Variants in LRRC66 observed in about 807,000 individuals in gnomAD.
LRRC66 encodes leucine-rich repeat-containing protein 66.
In LRRC66, 29 loss-of-function variants were observed where a neutral mutation model predicts 24.6. That is an observed-to-expected ratio of 1.18 (90% CI 0.88 to 1.61). The LOEUF is 1.61. LRRC66 is among the 40% of genes most tolerant of loss of function. LRRC66 has a pLI of 0.00. For missense variants in LRRC66, 1,124 were observed against 1,058.0 expected (o/e 1.06, Z -0.87); for synonymous variants, 411 against 397.6 (o/e 1.03, Z -0.40).
rs537574975 is a variant in LRRC66 at position 51,995,852 on chromosome 4, G to A, written c.1170C>T (p.Ala390=). The change falls in exon 5 of 5, where the codon GCC becomes GCT. Residue 390 remains alanine (A), a synonymous_variant. Transcript: ENST00000682860. ...CLSVFITFLV[A]FSLGAFTRPY... ...GCCTTGTGAAAGCCCCCAGGCTGAA[G>A]GCGACAAGGAATGTGATGAACACTG... The A allele has an allele frequency of 6.2e-7, 1 of 1,614,170 alleles. No homozygotes were observed. Among genetic ancestry groups the A allele is most frequent in the African/African-American group, 1.3e-5 (1 of 75,038 alleles).
chr4:52,011,563 A>C (rs1736703543), intron 2 of LRRC66, among the ~76,000 whole-genome samples: 2 of 152,190 alleles, frequency 1.3e-5, no homozygotes, highest in African/African-American at 4.8e-5. Flanking sequence ...TTAATTATCT[A>C]TTGTGCCTGA....
intron 2 of LRRC66, among the ~76,000 whole-genome samples, chr4:52,015,455 G>C (rs1163638312): frequency 6.6e-6 from 1 of 152,088 alleles, no homozygotes; most frequent in Non-Finnish European, 1.5e-5. Context: ...TCGATGCCTT[G>C]TTAGAGTATA....
chr4:51,997,818 C>G lies in LRRC66; in HGVS notation c.786G>C (p.Val262=). Residue 262 remains valine, a synonymous_variant, in exon 4 of 5, where the codon GTG becomes GTC. Coordinates refer to ENST00000682860, the MANE Select transcript of LRRC66 (RefSeq NM_001024611.3). ...CAGAAATAAAATTTTGAAAGACTGC[C>G]ACACTATCATCACACTGCCAGTTAT... The part of the protein sequence containing the change: ...ADNNWQCDDS[V]AVFQNFISES... 6.2e-7 allele frequency: 1 copy of G among 1,614,026 alleles called. No homozygotes were observed. Among genetic ancestry groups the G allele is most frequent in the Non-Finnish European group, 8.5e-7 (1 of 1,179,988 alleles).
Position 51,995,177 on chromosome 4 carries a change from G to A in LRRC66, c.1845C>T (p.Asp615=). The A allele has an allele frequency of 6.2e-7, 1 of 1,614,226 alleles. No individual in the cohort carries two copies. Among genetic ancestry groups the A allele is most frequent in the Non-Finnish European group, 8.5e-7 (1 of 1,180,044 alleles). Residue 615 remains aspartate (D), a synonymous_variant, in exon 5 of 5, where the codon GAC becomes GAT. Coordinates refer to ENST00000682860, the MANE Select transcript of LRRC66 (RefSeq NM_001024611.3). ...TTTCCTTAGAAAATTCCATCTGCGA[G>A]TCCCAAAGTGACTGTTCAGTGCCCC... ...ERGGTEQSLW[D]SQMEFSKERQ... is the part of the protein sequence containing the mutation.
chr4:52,010,699 T>C (rs1736681303), intron 2 of LRRC66, among the ~76,000 whole-genome samples: 1 of 152,216 alleles, frequency 6.6e-6, no homozygotes, highest in Non-Finnish European at 1.5e-5. Flanking sequence ...CTCTATCCAA[T>C]CCACTGTTGA....
At chr4:51,998,275 T>C (rs1313189382) in intron 3 of LRRC66, among the ~76,000 whole-genome samples, 1 of 152,238 alleles carries the variant, frequency 6.6e-6, no homozygotes, top group East Asian at 1.9e-4. Flanking sequence ...AAATAAAACC[T>C]AGATACTCAT....
chr4:52,007,767 C>A (rs1270763220), intron 2 of LRRC66, among the ~76,000 whole-genome samples: 1 of 152,128 alleles, frequency 6.6e-6, no homozygotes, highest in Non-Finnish European at 1.5e-5. Flanking sequence ...GTGTTGTGAG[C>A]AAAGATCTGA....
chr4:52,004,976 G>T (rs548566310), intron 2 of LRRC66, among the ~76,000 whole-genome samples: 1 of 152,210 alleles, frequency 6.6e-6, no homozygotes, highest in Non-Finnish European at 1.5e-5. Context: ...ATACAGAGTA[G>T]TTCATCACAT....
Position 51,995,773 on chromosome 4 carries a change from C to G in LRRC66, c.1249G>C (p.Asp417His), listed in dbSNP as rs759056856. 13 of 1,614,022 alleles carry G rather than the reference C, an allele frequency of 8.1e-6. No homozygotes were observed. In the Admixed American group the frequency reaches 1.2e-4, roughly 14 times the overall value. The stretch of plus-strand genomic sequence containing the variant: ...AAGCCCTCGTTTGAATACGCGTTGT[C>G]CAGGCCAGGGCTTTTGCTCTGGCAC... ...KKCQSKSPGL[D>H]NAYSNEGFYD... Residue 417 changes from aspartate to histidine, a missense_variant, in exon 5 of 5, where the codon GAC becomes CAC. Transcript: ENST00000682860.
chr4:51,996,054 C>G lies in LRRC66; in HGVS notation c.968G>C (p.Arg323Thr), dbSNP rs755922054. 3.7e-6 allele frequency: 6 copies of G among 1,614,082 alleles called. No individual in the cohort carries two copies. The South Asian group carries it at 4.4e-5, about 12-fold the overall frequency. Residue 323 changes from arginine to threonine, a missense_variant, in exon 5 of 5, where the codon AGG (arginine) becomes ACG (threonine). Arg to Thr is a moderately conservative substitution (Grantham distance 71). Coordinates refer to ENST00000682860, the MANE Select transcript of LRRC66 (RefSeq NM_001024611.3). ...GCCCGTGTGCCTTCCTCCCTGGGGC[C>G]TCTCTGCTTTGCTCCTTATGAGGCT... ...MKSLIRSKAE[R>T]PQGGRHTGIS...
intron 2 of LRRC66, 122 bp downstream of exon 2, chr4:52,016,996 C>T: frequency 9.4e-7 from 1 of 1,064,024 alleles, no homozygotes; most frequent in Non-Finnish European, 1.4e-6. Flanking sequence ...ATTATATGTG[C>T]TCTGATCAAA....
rs1736286873 is a variant in LRRC66 at position 51,995,640 on chromosome 4, GTCACCCA to G, written c.1375_1381del (p.Trp459HisfsTer9). 2 of 1,614,110 alleles carry G rather than the reference GTCACCCA, an allele frequency of 1.2e-6. No homozygotes were observed. Among genetic ancestry groups the G allele is most frequent in the South Asian group, 2.2e-5 (2 of 91,058 alleles). On this transcript the variant is annotated frameshift_variant, in exon 5 of 5. Coordinates refer to ENST00000682860, the MANE Select transcript of LRRC66 (RefSeq NM_001024611.3). LOFTEE classifies it low-confidence loss of function (END_TRUNC). Reference sequence around the variant, plus strand: ...TACGGTGGCGTGTGGGTGTGGCTGTGTCACCCAGAAAGGGGTCTGGTTCTCGTAGAGG... The same window carrying G: ...TACGGTGGCGTGTGGGTGTGGCTGTGGAAAGGGGTCTGGTTCTCGTAGAGG...
At chr4:51,996,516 T>C (rs1470686580) in intron 4 of LRRC66, among the ~76,000 whole-genome samples, 1 of 152,122 alleles carries the variant, frequency 6.6e-6, no homozygotes, top group Admixed American at 6.5e-5. Context: ...CTCAGCCTCC[T>C]GAACAGCTGG....
intron 2 of LRRC66, among the ~76,000 whole-genome samples, chr4:52,012,697 T>A (rs527498234): frequency 1.5e-4 from 23 of 152,272 alleles, no homozygotes; most frequent in African/African-American, 5.1e-4. Flanking sequence ...GAGAGTTGAA[T>A]GCTGGGAGGA....
chr4:52,008,939 G>A lies in LRRC66; in HGVS notation c.497-5547C>T, dbSNP rs73246097. Among the ~76,000 whole-genome samples the A allele has an allele frequency of 7.1e-3, 1,083 of 152,134 alleles. 11 individuals carry two copies. The highest frequency in any genetic ancestry group is 0.012 in the Non-Finnish European group (839 of 67,962). ...AAACATATTGTGGAAATTATATATA[G>A]GGGTAAAATGTAGGACAATACCTGC... On this transcript the variant is annotated intron_variant, in intron 2 of 4. Transcript: ENST00000682860.
In LRRC66 at chr4:51,995,901, T is replaced by C. The variant is rs529931426; in HGVS notation, c.1121A>G (p.Asp374Gly). The C allele has an allele frequency of 1.2e-5, 19 of 1,613,972 alleles. No homozygotes were observed. The highest frequency in any genetic ancestry group is 1.5e-5 in the Non-Finnish European group (18 of 1,180,018). ...TGACAGGCACACCGCCAGAGCCAGG[T>C]CCTGGGGAGCGTCCTCTTTTTTGCC... ...AAGKKEDAPQDLALAVCLSVF... is the reference protein window; with the variant it reads ...AAGKKEDAPQGLALAVCLSVF... The change falls in exon 5 of 5, where the codon GAC becomes GGC. Residue 374 changes from aspartate to glycine, a missense_variant. Transcript: ENST00000682860.
At chr4:52,010,680 C>A (rs1043924497) in intron 2 of LRRC66, among the ~76,000 whole-genome samples, 2 of 152,100 alleles carry the variant, frequency 1.3e-5, no homozygotes, top group African/African-American at 4.8e-5. Flanking sequence ...TGTATATGTA[C>A]CACATTTTCT....
chr4:52,007,668 C>G (rs1311307310), intron 2 of LRRC66, among the ~76,000 whole-genome samples: 1 of 152,214 alleles, frequency 6.6e-6, no homozygotes, highest in East Asian at 1.9e-4. Flanking sequence ...ATCAAATATT[C>G]ACTGTCTTGT....
At chr4:52,016,074 A>T (rs1352248199) in intron 2 of LRRC66, among the ~76,000 whole-genome samples, 1 of 152,316 alleles carries the variant, frequency 6.6e-6, no homozygotes, top group Admixed American at 6.5e-5. Context: ...AATGCAATTC[A>T]TTTACACTGA....
Sources: allele counts gnomAD v4.1 joint callset (sites outside exome capture counted in the v4.1 genomes callset), GRCh38; gene constraint gnomAD v4.1.1; transcripts MANE v1.5; gene names NCBI Gene and HGNC (gene_info 2026-07-23, HGNC 2026-07-21).